The following TET1 variants were observed in gnomAD, a reference collection of about 807,000 sequenced individuals.
TET1 encodes methylcytosine dioxygenase TET1.
In TET1, 13 loss-of-function variants were observed where a neutral mutation model predicts 148.7. That is an observed-to-expected ratio of 0.09 (90% confidence interval 0.06 to 0.14). The LOEUF (loss-of-function observed/expected upper bound fraction) is 0.14. Ranked by LOEUF, TET1 falls within the 10% of genes least tolerant of loss-of-function variation. TET1 has a pLI of 1.00. For missense variants in TET1, 2,182 were observed against 2,553.8 expected, an observed-to-expected ratio of 0.85 and a Z score of 3.14; for synonymous variants, 907 against 937.2, an observed-to-expected ratio of 0.97 and a Z score of 0.59.
chr10:68,595,277 A>C (rs1275328016), intron 2 of TET1, among the ~76,000 whole-genome samples: 1 of 152,134 alleles, frequency 6.6e-6, no homozygotes. Context: ...TTGGAAGTTT[A>C]TAATAGATGG....
Position 68,686,559 on chromosome 10 carries a change from C to T in TET1, c.5256C>T (p.Pro1752=). ...KKRTCFTQPV[P]RSGKKRAAMM... ...GAACGTGTTTCACTCAGCCTGTTCC[C>T]CGTTCTGGAAAGAAGAGGGCTGCGA... is the stretch of plus-strand genomic sequence containing the variant. The change falls in exon 11 of 12, where the codon CCC becomes CCT. Residue 1752 remains proline, a synonymous_variant. Coordinates refer to ENST00000373644, the MANE Select transcript of TET1 (RefSeq NM_030625.3). The T allele has an allele frequency of 2.5e-6, 4 of 1,614,134 alleles. No homozygotes were observed. Among genetic ancestry groups the T allele is most frequent in the Non-Finnish European group, 2.5e-6 (3 of 1,180,036 alleles).
chr10:68,645,504 T>G lies in TET1; in HGVS notation c.2775T>G (p.Ser925Arg). The G allele has an allele frequency of 6.2e-7, 1 of 1,613,888 alleles. No homozygotes were observed. Among genetic ancestry groups the G allele is most frequent in the Non-Finnish European group, 8.5e-7 (1 of 1,180,006 alleles). ...AGGAATCAGAGCAGAGAACAGCCAG[T>G]TTGCTTAATAGCTGCAAAGCTATCC... ...KDEESEQRTA[S>R]LLNSCKAILY... The change falls in exon 4 of 12, where the codon AGT becomes AGG. Residue 925 changes from serine (S) to arginine (R), a missense_variant. Transcript: ENST00000373644.
intron 1 of TET1, among the ~76,000 whole-genome samples, chr10:68,570,948 T>A (rs1590157185): frequency 6.6e-6 from 1 of 151,468 alleles, no homozygotes; most frequent in East Asian, 1.9e-4. Flanking sequence ...ATTTTTAAAT[T>A]TTTGTCATTT....
chr10:68,609,333 G>T (rs2054173553), intron 3 of TET1, among the ~76,000 whole-genome samples: 1 of 152,014 alleles, frequency 6.6e-6, no homozygotes, highest in Non-Finnish European at 1.5e-5. Context: ...GGCTAATTTT[G>T]TATTTTTAGT....
intron 2 of TET1, among the ~76,000 whole-genome samples, chr10:68,595,612 CTTT>C (rs71470530): frequency 0.075 from 5,731 of 76,228 alleles, 121 homozygotes; most frequent in Non-Finnish European, 0.11. Context: ...CACACAGCTT[CTTT>C]TTTTTTTTTT....
chr10:68,614,592 A>G (rs2054262290), intron 3 of TET1, among the ~76,000 whole-genome samples: 2 of 152,102 alleles, frequency 1.3e-5, no homozygotes, highest in African/African-American at 4.8e-5. Context: ...GCTCACTGCA[A>G]CCTAACCTTC....
intron 2 of TET1, among the ~76,000 whole-genome samples, chr10:68,580,805 A>AATAT (rs1554930544): frequency 8.2e-4 from 77 of 94,322 alleles, no homozygotes; most frequent in African/African-American, 2.2e-3. Flanking sequence ...AAAAAAAAAA[A>AATAT]ATATATATAT....
intron 2 of TET1, among the ~76,000 whole-genome samples, chr10:68,579,272 C>T (rs909788322): frequency 7.2e-5 from 11 of 152,324 alleles, no homozygotes; most frequent in African/African-American, 2.6e-4. Context: ...TGCTCTTTCT[C>T]TTGCATTACA....
intron 4 of TET1, among the ~76,000 whole-genome samples, chr10:68,649,710 G>T (rs1455643337): frequency 1.3e-5 from 2 of 151,928 alleles, no homozygotes; most frequent in African/African-American, 4.8e-5. Flanking sequence ...TTATATACCT[G>T]AGCTAGACTA....
chr10:68,621,684 T>A (rs1307029544), intron 3 of TET1, among the ~76,000 whole-genome samples: 4 of 152,224 alleles, frequency 2.6e-5, no homozygotes, highest in African/African-American at 9.6e-5. Context: ...TCTCTACATC[T>A]GTTGCATTTT....
At chr10:68,562,492 G>T (rs2053565100) in intron 1 of TET1, among the ~76,000 whole-genome samples, 1 of 152,130 alleles carries the variant, frequency 6.6e-6, no homozygotes. Flanking sequence ...GATCATACGG[G>T]TCCCCCTTTT....
At chr10:68,588,802 T>C (rs1394700401) in intron 2 of TET1, among the ~76,000 whole-genome samples, 1 of 150,102 alleles carries the variant, frequency 6.7e-6, no homozygotes, top group African/African-American at 2.4e-5. Flanking sequence ...ACTTAAAATA[T>C]TTTTAGTGAG....
chr10:68,644,286 C>T (rs1381683952), intron 3 of TET1, among the ~76,000 whole-genome samples: 2 of 152,116 alleles, frequency 1.3e-5, no homozygotes, highest in Non-Finnish European at 2.9e-5. Context: ...ATTGGAACCT[C>T]CACCTCCTGT....
intron 2 of TET1, among the ~76,000 whole-genome samples, chr10:68,579,800 C>G (rs1474869457): frequency 6.6e-6 from 1 of 152,206 alleles, no homozygotes; most frequent in Non-Finnish European, 1.5e-5. Context: ...TCACCTTCTA[C>G]TTGCTGCAGC....
intron 2 of TET1, among the ~76,000 whole-genome samples, chr10:68,579,319 A>G (rs569429618): frequency 2.0e-5 from 3 of 152,254 alleles, no homozygotes; most frequent in Non-Finnish European, 4.4e-5. Context: ...ATTACCCAAA[A>G]TAGAATATTC....
At chr10:68,632,470 A>G in intron 3 of TET1, 2 of 1,612,798 alleles carry the variant, frequency 1.2e-6, no homozygotes, top group Non-Finnish European at 1.7e-6. Flanking sequence ...CCGGCATTCA[A>G]TATTGTATGG....
chr10:68,607,410 T>TA, intron 3 of TET1, among the ~76,000 whole-genome samples: 1 of 38,168 alleles, frequency 2.6e-5, no homozygotes, highest in South Asian at 1.1e-3. Flanking sequence ...GATCTTAAGT[T>TA]TTTTTTTTTT....
intron 4 of TET1, among the ~76,000 whole-genome samples, chr10:68,648,969 A>G (rs7896856): frequency 0.073 from 11,168 of 152,284 alleles, 639 homozygotes; most frequent in South Asian, 0.17. Flanking sequence ...CTGTTCTGAG[A>G]AGAATCTCAC....
Position 68,573,528 on chromosome 10 carries a change from A to C in TET1, c.1190A>C (p.Glu397Ala), listed in dbSNP as rs773462703. ...CTGGGTGAGACCCCAGATCTACCAG[A>C]GATTCCTGGTGCTATTCCAGTCCAA... ...EALGETPDLP[E>A]IPGAIPVQGE... is the part of the protein sequence containing the mutation. Residue 397 changes from glutamate (E) to alanine (A), a missense_variant, in exon 2 of 12, where the codon GAG (glutamate) becomes GCG (alanine). Transcript: ENST00000373644. The C allele has an allele frequency of 5.0e-6, 8 of 1,614,186 alleles. No individual in the cohort carries two copies. Among genetic ancestry groups the C allele is most frequent in the Non-Finnish European group, 6.8e-6 (8 of 1,180,028 alleles).
Sources: allele counts gnomAD v4.1 joint callset (sites outside exome capture counted in the v4.1 genomes callset), GRCh38; gene constraint gnomAD v4.1.1; transcripts MANE v1.5; gene names NCBI Gene and HGNC (gene_info 2026-07-23, HGNC 2026-07-21).